The following TUSC3 variants were observed in gnomAD, a reference collection of about 807,000 sequenced individuals.
TUSC3 encodes dolichyl-diphosphooligosaccharide--protein glycosyltransferase subunit TUSC3.
In TUSC3, 45 loss-of-function variants were observed where a neutral mutation model predicts 44.8. The observed-to-expected ratio is 1.00, with a 90% CI of 0.79 to 1.29. The LOEUF (loss-of-function observed/expected upper bound fraction) is 1.29, where lower values mean the gene tolerates loss of function less well. Among genes scored for constraint, TUSC3 ranks in the 50% most tolerant of loss-of-function variants. TUSC3 has a pLI of 0.00. For synonymous variants in TUSC3, 212 were observed against 152.9 expected (o/e 1.39, Z -2.85); for missense variants, 519 against 437.9 (o/e 1.19, Z -1.65).
chr8:15,495,614 A>G (rs990916827), intron 2 of TUSC3, among the ~76,000 whole-genome samples: 10 of 152,102 alleles, frequency 6.6e-5, no homozygotes, highest in African/African-American at 2.4e-4. Flanking sequence ...CTAATGCACA[A>G]TTCTACCCAA....
chr8:15,830,637 C>G, the TUSC3 span, among the ~76,000 whole-genome samples: 1 of 152,082 alleles, frequency 6.6e-6, no homozygotes, highest in African/African-American at 2.4e-5. Context: ...AGGCCCTTAT[C>G]CTAAGTGAAA....
At chr8:15,598,526 G>C (rs540902113) in intron 1 of TUSC3, among the ~76,000 whole-genome samples, 2 of 151,512 alleles carry the variant, frequency 1.3e-5, no homozygotes, top group Non-Finnish European at 3.0e-5. Context: ...ATATTCTGTG[G>C]GTTAGGGTAA....
intron 1 of TUSC3, among the ~76,000 whole-genome samples, chr8:15,609,185 G>A (rs1263936259): frequency 6.6e-6 from 1 of 152,068 alleles, no homozygotes; most frequent in Admixed American, 6.6e-5. Context: ...GTATAGTTAC[G>A]GTTTTGTTTT....
the TUSC3 span, among the ~76,000 whole-genome samples, chr8:15,850,746 T>C: frequency 6.6e-6 from 1 of 152,204 alleles, no homozygotes; most frequent in African/African-American, 2.4e-5. Flanking sequence ...ATAAAAAGAA[T>C]TTTAAACAAA....
At chr8:15,627,521 C>G (rs990299742) in intron 2 of TUSC3, among the ~76,000 whole-genome samples, 2 of 152,240 alleles carry the variant, frequency 1.3e-5, no homozygotes, top group Non-Finnish European at 2.9e-5. Flanking sequence ...GGAACATGCC[C>G]CTCGCTTGCC....
At chr8:15,750,784 C>T (rs1186625290) in intron 9 of TUSC3, among the ~76,000 whole-genome samples, 1 of 152,172 alleles carries the variant, frequency 6.6e-6, no homozygotes, top group Non-Finnish European at 1.5e-5. Flanking sequence ...CTCCTGTCAG[C>T]TCCCCACCAG....
chr8:15,727,200 G>A (rs1426335757), intron 6 of TUSC3, among the ~76,000 whole-genome samples: 4 of 152,090 alleles, frequency 2.6e-5, no homozygotes, highest in Admixed American at 2.6e-4. Context: ...CAGACCTAAG[G>A]TTAATTTTAG....
chr8:15,651,007 ACACACACAC>A (rs1806878553), intron 3 of TUSC3, 193 bp downstream of exon 3: 1 of 565,896 alleles, frequency 1.8e-6, no homozygotes, highest in Admixed American at 2.9e-5. Flanking sequence ...ACACACACAC[ACACACACAC>A]ACACACAAAT....
At chr8:15,842,926 C>A in the TUSC3 span, among the ~76,000 whole-genome samples, 1 of 152,126 alleles carries the variant, frequency 6.6e-6, no homozygotes, top group Non-Finnish European at 1.5e-5. Context: ...CCATGCAGAA[C>A]CATAAAAGTG....
intron 1 of TUSC3, among the ~76,000 whole-genome samples, chr8:15,462,511 C>A (rs927118730): frequency 2.0e-5 from 3 of 152,008 alleles, no homozygotes; most frequent in African/African-American, 7.2e-5. Flanking sequence ...TACACAACGA[C>A]TGCCTGTTAA....
intron 9 of TUSC3, among the ~76,000 whole-genome samples, chr8:15,751,843 C>T (rs754453296): frequency 9.9e-5 from 15 of 152,124 alleles, no homozygotes; most frequent in Non-Finnish European, 1.9e-4. Flanking sequence ...ACAGCTGAGT[C>T]AGAATCTCCA....
At chr8:15,567,842 C>A (rs1042690607) in intron 1 of TUSC3, among the ~76,000 whole-genome samples, 1 of 152,244 alleles carries the variant, frequency 6.6e-6, no homozygotes, top group African/African-American at 2.4e-5. Flanking sequence ...ATATGCCGAA[C>A]TAAAAAGCAC....
chr8:15,572,584 C>T (rs749251818), intron 1 of TUSC3, among the ~76,000 whole-genome samples: 3 of 152,110 alleles, frequency 2.0e-5, no homozygotes, highest in Admixed American at 6.5e-5. Context: ...TCTAACTGTT[C>T]GGTGCAAGAG....
chr8:15,452,637 G>T (rs1253706387), intron 1 of TUSC3, among the ~76,000 whole-genome samples: 1 of 152,162 alleles, frequency 6.6e-6, no homozygotes, highest in Non-Finnish European at 1.5e-5. Context: ...TTGCTTTGTA[G>T]TCCAGGACAC....
chr8:15,447,581 G>C (rs1160242007), intron 1 of TUSC3, among the ~76,000 whole-genome samples: 1 of 151,688 alleles, frequency 6.6e-6, no homozygotes, highest in Non-Finnish European at 1.5e-5. Context: ...ACAAATTCAT[G>C]TTTAAAATAG....
intron 1 of TUSC3, among the ~76,000 whole-genome samples, chr8:15,435,276 C>G (rs1032687650): frequency 2.6e-5 from 4 of 152,070 alleles, no homozygotes; most frequent in Non-Finnish European, 4.4e-5. Context: ...TTGCATTTCT[C>G]TGGTGGCCAG....
At chr8:15,579,032 G>A (rs1240240249) in intron 1 of TUSC3, among the ~76,000 whole-genome samples, 4 of 151,578 alleles carry the variant, frequency 2.6e-5, no homozygotes, top group Non-Finnish European at 4.4e-5. Flanking sequence ...ACTTCTTCCT[G>A]GTTTAGTCTT....
chr8:15,622,821 T>G (rs1308995151), intron 1 of TUSC3, among the ~76,000 whole-genome samples: 1 of 151,040 alleles, frequency 6.6e-6, no homozygotes, highest in Non-Finnish European at 1.5e-5. Context: ...TTTTTTTTTA[T>G]GTCAACCCCC....
chr8:15,689,477 T>C (rs1038293647), intron 6 of TUSC3: 2 of 172,830 alleles, frequency 1.2e-5, no homozygotes, highest in Non-Finnish European at 2.5e-5. Flanking sequence ...CTGGGTCTTC[T>C]TCACTGGCGC....
Sources: allele counts gnomAD v4.1 joint callset (sites outside exome capture counted in the v4.1 genomes callset), GRCh38; gene constraint gnomAD v4.1.1; transcripts MANE v1.5; gene names NCBI Gene and HGNC (gene_info 2026-07-23, HGNC 2026-07-21).